TSHZ2: variants seen among roughly 807,000 people sequenced by gnomAD.
The protein encoded by TSHZ2 is teashirt zinc finger homeobox 2, also known as teashirt homolog 2.
TSHZ2 carries 21 observed loss-of-function variants against 74.4 expected under a neutral mutation model. The observed-to-expected ratio is 0.28, with a 90% CI of 0.20 to 0.41. The LOEUF is 0.41. Among genes scored for constraint, TSHZ2 ranks in the 10% least tolerant of loss-of-function variants. TSHZ2 has a pLI of 1.00. For synonymous variants in TSHZ2, 540 were observed against 515.3 expected, an observed-to-expected ratio of 1.05 and a Z score of -0.65; for missense variants, 1,244 against 1,293.5, an observed-to-expected ratio of 0.96 and a Z score of 0.59.
At chr20:53,052,281 AC>A (rs1984496194) in intron 1 of TSHZ2, among the ~76,000 whole-genome samples, 1 of 152,320 alleles carries the variant, frequency 6.6e-6, no homozygotes, top group Admixed American at 6.5e-5. Context: ...GGGGTCCTCA[AC>A]CCCTGAGCTG....
intron 2 of TSHZ2, among the ~76,000 whole-genome samples, chr20:53,264,505 C>T (rs1990668591): frequency 6.6e-6 from 1 of 152,192 alleles, no homozygotes; most frequent in Non-Finnish European, 1.5e-5. Context: ...TGTAACGGTG[C>T]CTTGGCTGTA....
chr20:53,128,921 G>A (rs1754324234), intron 1 of TSHZ2, among the ~76,000 whole-genome samples: 1 of 151,642 alleles, frequency 6.6e-6, no homozygotes, highest in African/African-American at 2.4e-5. Flanking sequence ...TGCCTGGCTG[G>A]GCAGGAGCAC....
intron 2 of TSHZ2, among the ~76,000 whole-genome samples, chr20:53,384,330 C>T (rs1981967175): frequency 6.6e-6 from 1 of 152,220 alleles, no homozygotes; most frequent in South Asian, 2.1e-4. Context: ...TCCAAAACTG[C>T]AGCCCCAAAT....
At chr20:53,223,514 C>T (rs947432060) in intron 1 of TSHZ2, among the ~76,000 whole-genome samples, 3 of 152,138 alleles carry the variant, frequency 2.0e-5, no homozygotes, top group African/African-American at 7.2e-5. Context: ...ACTTCTGCCT[C>T]CCAGATAGCT....
intron 2 of TSHZ2, among the ~76,000 whole-genome samples, chr20:53,388,122 G>A (rs140629432): frequency 5.9e-5 from 9 of 151,636 alleles, no homozygotes; most frequent in Admixed American, 4.6e-4. Context: ...TCAAACTGAC[G>A]CAGGAGATTC....
chr20:52,977,188 C>A (rs1160544851), intron 1 of TSHZ2, among the ~76,000 whole-genome samples: 1 of 151,990 alleles, frequency 6.6e-6, no homozygotes, highest in Non-Finnish European at 1.5e-5. Context: ...AAATCTCAAC[C>A]AACAGGATGG....
intron 1 of TSHZ2, among the ~76,000 whole-genome samples, chr20:53,070,844 A>AT (rs1231521118): frequency 6.6e-6 from 1 of 152,210 alleles, no homozygotes; most frequent in Non-Finnish European, 1.5e-5. Context: ...GGTAATTGAC[A>AT]TGTGGGCGTG....
At chr20:53,005,243 G>A (rs1568715478) in intron 1 of TSHZ2, among the ~76,000 whole-genome samples, 3 of 152,204 alleles carry the variant, frequency 2.0e-5, no homozygotes, top group East Asian at 3.9e-4. Flanking sequence ...AACCTGGGAG[G>A]CAGAGATTGC....
At chr20:53,195,304 C>T (rs1988835467) in intron 1 of TSHZ2, among the ~76,000 whole-genome samples, 2 of 152,050 alleles carry the variant, frequency 1.3e-5, no homozygotes, top group South Asian at 2.1e-4. Context: ...CATATATATT[C>T]TTGGGATCTA....
intron 1 of TSHZ2, among the ~76,000 whole-genome samples, chr20:53,091,751 C>T (rs1378651328): frequency 1.3e-5 from 2 of 152,056 alleles, no homozygotes; most frequent in Non-Finnish European, 2.9e-5. Flanking sequence ...GCTAAAAACC[C>T]GTGCTTCTGG....
intron 1 of TSHZ2, among the ~76,000 whole-genome samples, chr20:53,161,048 T>A (rs769299408): frequency 1.4e-4 from 21 of 148,180 alleles, no homozygotes; most frequent in Non-Finnish European, 3.0e-5. Context: ...TTTTTGTTTG[T>A]TTGTTTTCGA....
chr20:52,984,718 C>T (rs1055430925), intron 1 of TSHZ2, among the ~76,000 whole-genome samples: 3 of 152,060 alleles, frequency 2.0e-5, no homozygotes, highest in Admixed American at 6.5e-5. Context: ...ATCAGGGACC[C>T]AGGTTGCGAG....
At chr20:53,398,493 G>C (rs1982537270) in intron 2 of TSHZ2, 1 of 152,246 alleles carries the variant, frequency 6.6e-6, no homozygotes, top group South Asian at 2.1e-4. Context: ...GCTCATGCCT[G>C]TACTCCCATC....
chr20:53,234,190 C>G (rs1349068603), intron 1 of TSHZ2, among the ~76,000 whole-genome samples: 1 of 152,166 alleles, frequency 6.6e-6, no homozygotes. Flanking sequence ...GGAAGCAAGA[C>G]TAGTCCCTGG....
chr20:53,298,827 A>G (rs1298481338), intron 2 of TSHZ2, among the ~76,000 whole-genome samples: 3 of 152,214 alleles, frequency 2.0e-5, no homozygotes, highest in Admixed American at 1.3e-4. Flanking sequence ...TGCAGTCCTT[A>G]AAAGAGATTG....
chr20:53,311,672 C>T (rs1978793999), intron 2 of TSHZ2, among the ~76,000 whole-genome samples: 1 of 152,214 alleles, frequency 6.6e-6, no homozygotes. Flanking sequence ...CCTGCTTGTC[C>T]AAGATGGCAT....
intron 1 of TSHZ2, among the ~76,000 whole-genome samples, chr20:53,024,786 G>C (rs933697949): frequency 2.6e-5 from 4 of 152,174 alleles, no homozygotes; most frequent in Admixed American, 1.3e-4. Flanking sequence ...TGAGAATGAT[G>C]GTTTCCAGCT....
chr20:53,434,968 A>G (rs1451518519), intron 2 of TSHZ2, among the ~76,000 whole-genome samples: 1 of 152,272 alleles, frequency 6.6e-6, no homozygotes, highest in Non-Finnish European at 1.5e-5. Flanking sequence ...AAAGGAGAAC[A>G]TGTGCTTTCT....
At chr20:53,205,713 T>G (rs901786019) in intron 1 of TSHZ2, among the ~76,000 whole-genome samples, 1 of 152,024 alleles carries the variant, frequency 6.6e-6, no homozygotes, top group Non-Finnish European at 1.5e-5. Flanking sequence ...AATTGGAGGG[T>G]CCCTGGGAAT....
Sources: allele counts gnomAD v4.1 joint callset (sites outside exome capture counted in the v4.1 genomes callset), GRCh38; gene constraint gnomAD v4.1.1; transcripts MANE v1.5; gene names NCBI Gene and HGNC (gene_info 2026-07-23, HGNC 2026-07-21).